The following SLC1A3 variants were observed in gnomAD, a reference collection of about 807,000 sequenced individuals.
The protein encoded by SLC1A3 is solute carrier family 1 member 3.
Under a neutral mutation model 48.1 loss-of-function variants are expected in SLC1A3, and 21 were observed. The ratio of observed to expected loss-of-function variants is 0.44; its 90% CI spans 0.31 to 0.63. The LOEUF is 0.63. SLC1A3 is among the 20% of genes least tolerant of loss of function. SLC1A3 has a pLI of 0.08. For missense variants in SLC1A3, 546 were observed against 689.0 expected (o/e 0.79, Z 2.32); for synonymous variants, 239 against 251.4 (o/e 0.95, Z 0.47).
intron 3 of SLC1A3, among the ~76,000 whole-genome samples, chr5:36,638,003 G>C (rs76817190): frequency 0.012 from 1,760 of 151,896 alleles, 20 homozygotes; most frequent in Middle Eastern, 0.024. Flanking sequence ...AGTTTTTCTA[G>C]AATTGTTGTT....
At chr5:36,674,681 C>A (rs1363252489) in intron 5 of SLC1A3, among the ~76,000 whole-genome samples, 1 of 152,094 alleles carries the variant, frequency 6.6e-6, no homozygotes, top group Admixed American at 6.6e-5. Context: ...GGCAGCTCAT[C>A]TATAAGACTC....
At chr5:36,639,526 A>C (rs1740529407) in intron 3 of SLC1A3, among the ~76,000 whole-genome samples, 1 of 152,256 alleles carries the variant, frequency 6.6e-6, no homozygotes, top group Non-Finnish European at 1.5e-5. Flanking sequence ...ATTCTGCAGT[A>C]AACTTCAGCA....
Position 36,683,971 on chromosome 5 carries a change from C to T in SLC1A3, c.1397C>T (p.Thr466Met), listed in dbSNP as rs763798684. The change falls in exon 9 of 10, where the codon ACG becomes ATG. Residue 466 changes from threonine (T) to methionine (M), a missense_variant. Coordinates refer to ENST00000265113, the MANE Select transcript of SLC1A3 (RefSeq NM_004172.5). Reference protein sequence around the residue: ...TSVGLPTDDITLIIAVDWFLD... With the variant: ...TSVGLPTDDIMLIIAVDWFLD... ...GTCGGCCTGCCCACTGACGACATCA[C>T]GCTCATCATCGCGGTGGACTGGTTC... 2.7e-5 allele frequency: 44 copies of T among 1,614,106 alleles called. No homozygotes were observed. The highest frequency in any genetic ancestry group is 4.4e-5 in the South Asian group (4 of 91,090).
intron 1 of SLC1A3, among the ~76,000 whole-genome samples, chr5:36,601,023 A>G (rs1001525584): frequency 6.6e-6 from 1 of 152,224 alleles, no homozygotes; most frequent in African/African-American, 2.4e-5. Flanking sequence ...TCTGACTTAC[A>G]ATAAACAATA....
intron 3 of SLC1A3, among the ~76,000 whole-genome samples, chr5:36,649,760 T>C (rs1326441488): frequency 6.6e-6 from 1 of 152,236 alleles, no homozygotes; most frequent in Non-Finnish European, 1.5e-5. Flanking sequence ...TAATAGTAGC[T>C]AATATAACCC....
At chr5:36,677,367 T>C (rs1370052475) in intron 6 of SLC1A3, among the ~76,000 whole-genome samples, 183 bp downstream of exon 6, 2 of 152,204 alleles carry the variant, frequency 1.3e-5, no homozygotes, top group Non-Finnish European at 2.9e-5. Context: ...TGCAAGCCTC[T>C]TCTAATAAGT....
upstream of SLC1A3, among the ~76,000 whole-genome samples, chr5:36,604,038 T>C (rs1487202648): frequency 6.6e-6 from 1 of 152,184 alleles, no homozygotes; most frequent in Non-Finnish European, 1.5e-5. Context: ...AACCAATAAA[T>C]GCTCCCTTTA....
At chr5:36,683,836 T>C (rs1239941675) in intron 8 of SLC1A3, 28 bp from the exon 9 acceptor site, 1 of 1,614,068 alleles carries the variant, frequency 6.2e-7, no homozygotes, top group Non-Finnish European at 8.5e-7. Flanking sequence ...TGTAAAAGTG[T>C]TTTCTGTTCT....
chr5:36,685,770 G>C (rs1000753301), intron 9 of SLC1A3, among the ~76,000 whole-genome samples: 1 of 152,052 alleles, frequency 6.6e-6, no homozygotes, highest in Non-Finnish European at 1.5e-5. Flanking sequence ...AGACTGAGAG[G>C]GACAAATGAC....
chr5:36,620,662 T>C (rs927841412), intron 2 of SLC1A3, among the ~76,000 whole-genome samples: 1 of 152,172 alleles, frequency 6.6e-6, no homozygotes, highest in African/African-American at 2.4e-5. Flanking sequence ...GCACCTACTG[T>C]GTGCCAGGAA....
intron 2 of SLC1A3, among the ~76,000 whole-genome samples, chr5:36,622,522 T>A (rs1238603917): frequency 2.0e-5 from 3 of 152,190 alleles, no homozygotes; most frequent in African/African-American, 7.2e-5. Context: ...TCTTAAATAT[T>A]TTCTGGCATC....
At position 36,635,161 on chromosome 5, in the gene SLC1A3, G is replaced by A. The variant is rs200358197; in HGVS notation, c.319+5574G>A. 8.0e-5 allele frequency among the ~76,000 whole-genome samples: 12 copies of A among 149,418 alleles called. No homozygotes were observed. In the East Asian group the frequency reaches 1.4e-3, roughly 17 times the overall value. On this transcript the variant is annotated intron_variant, in intron 3 of 9. Transcript: ENST00000265113. ...CACCTGCCCCCCTCAACACCTACCC[G>A]TACGTTGTATTGAAAAAAAAAAAAA...
chr5:36,624,108 T>G (rs1300195308), intron 2 of SLC1A3, among the ~76,000 whole-genome samples: 3 of 152,216 alleles, frequency 2.0e-5, no homozygotes, highest in Non-Finnish European at 4.4e-5. Context: ...ACCTCTGGCT[T>G]CAGCTCTAAC....
At chr5:36,635,192 A>C (rs1466012432) in intron 3 of SLC1A3, among the ~76,000 whole-genome samples, 1 of 151,576 alleles carries the variant, frequency 6.6e-6, no homozygotes, top group Non-Finnish European at 1.5e-5. Flanking sequence ...AAAAAACAGT[A>C]TCTAACGCAG....
Position 36,608,459 on chromosome 5 carries a change from G to A in SLC1A3, c.36G>A (p.Gly12=), listed in dbSNP as rs752951426. The change falls in exon 2 of 10, where the codon GGG becomes GGA. Residue 12 remains glycine (G), a synonymous_variant. Transcript: ENST00000265113. ...TKSNGEEPKM[G]GRMERFQQGV... ...GCAATGGAGAAGAGCCCAAGATGGG[G>A]GGCAGGATGGAGAGATTCCAGCAGG... 186 of 1,613,940 alleles carry A rather than the reference G, an allele frequency of 1.2e-4. 1 individual carries two copies. Among genetic ancestry groups the A allele is most frequent in the Non-Finnish European group, 1.4e-4 (169 of 1,179,956 alleles).
intron 1 of SLC1A3, among the ~76,000 whole-genome samples, chr5:36,597,457 C>A (rs928019736): frequency 6.6e-6 from 1 of 151,586 alleles, no homozygotes; most frequent in Non-Finnish European, 1.5e-5. Flanking sequence ...TTAGCCAGGA[C>A]GGTCTCGATC....
intron 3 of SLC1A3, among the ~76,000 whole-genome samples, chr5:36,659,106 G>A (rs569077123): frequency 6.6e-6 from 1 of 152,272 alleles, no homozygotes; most frequent in South Asian, 2.1e-4. Flanking sequence ...AGTCTAGTGT[G>A]AAGAAGAATT....
chr5:36,656,421 T>C (rs1741287910), intron 3 of SLC1A3, among the ~76,000 whole-genome samples: 2 of 152,228 alleles, frequency 1.3e-5, no homozygotes, highest in Admixed American at 1.3e-4. Context: ...TTTATAATTT[T>C]AAAGTGCATT....
intron 3 of SLC1A3, among the ~76,000 whole-genome samples, chr5:36,636,581 TTTTCTTC>T (rs1740395978): frequency 6.7e-6 from 1 of 148,586 alleles, no homozygotes; most frequent in East Asian, 2.0e-4. Flanking sequence ...CTTCCTTTCT[TTTTCTTC>T]CTTTCTTCTT....
Sources: gnomAD v4.1 joint callset for allele counts (sites outside exome capture counted in the v4.1 genomes callset) on GRCh38, gnomAD v4.1.1 for gene constraint, MANE v1.5 for transcripts, NCBI Gene and HGNC (gene_info 2026-07-23, HGNC 2026-07-21) for gene names.